ZNF804B: variants seen among roughly 807,000 people sequenced by gnomAD.
The protein encoded by ZNF804B is zinc finger 804B.
ZNF804B carries 80 observed loss-of-function variants against 101.4 expected under a neutral mutation model. That is an observed-to-expected ratio of 0.79 (90% CI 0.66 to 0.95). The LOEUF is 0.95. ZNF804B is among the 40% of genes least tolerant of loss of function. The pLI, the probability that ZNF804B is intolerant of heterozygous loss-of-function variation, is 0.00. For missense variants in ZNF804B, 1,673 were observed against 1,561.9 expected (o/e 1.07, Z -1.20); for synonymous variants, 622 against 558.8 (o/e 1.11, Z -1.59).
At position 89,333,460 on chromosome 7, in the gene ZNF804B, T is replaced by C. The variant is rs1463366900; in HGVS notation, c.478T>C (p.Ser160Pro). Residue 160 changes from serine to proline, a missense_variant, in exon 4 of 4, where the codon TCA becomes CCA. Ser to Pro is a moderately conservative substitution (Grantham distance 74). Transcript: ENST00000333190. The part of the protein sequence containing the change: ...IFPIKNGRKV[S>P]CMKSALLLKG... The stretch of plus-strand genomic sequence containing the variant: ...CCCCATTAAGAATGGCAGAAAGGTA[T>C]CATGCATGAAGAGTGCTCTTCTCCT... 1.2e-6 allele frequency: 2 copies of C among 1,613,158 alleles called. No individual in the cohort carries two copies. Among genetic ancestry groups the C allele is most frequent in the Admixed American group, 3.3e-5 (2 of 59,844 alleles).
At chr7:89,041,410 G>A (rs541416275) in intron 1 of ZNF804B, among the ~76,000 whole-genome samples, 1 of 152,290 alleles carries the variant, frequency 6.6e-6, no homozygotes, top group Admixed American at 6.5e-5. Context: ...TGCTGGGACA[G>A]GTCTTAAGCT....
intron 1 of ZNF804B, among the ~76,000 whole-genome samples, chr7:89,157,425 G>A (rs779613206): frequency 3.9e-4 from 59 of 151,968 alleles, no homozygotes; most frequent in Non-Finnish European, 6.8e-4. Context: ...ACATGTACTA[G>A]GACACATCTT....
At position 89,327,326 on chromosome 7, in the gene ZNF804B, T is replaced by A; in HGVS notation, c.250-18T>A. The A allele has an allele frequency of 6.4e-7, 1 of 1,573,548 alleles. No individual in the cohort carries two copies. Among genetic ancestry groups the A allele is most frequent in the South Asian group, 1.2e-5 (1 of 82,848 alleles). On this transcript the variant is annotated intron_variant, in intron 2 of 3. Transcript: ENST00000333190. ...TTATTTATTTATAGTACCTTTTTGGTTTTTCTTCTTTTTCAAGAGACTGAA... is the reference window on the plus strand; with the variant it reads ...TTATTTATTTATAGTACCTTTTTGGATTTTCTTCTTTTTCAAGAGACTGAA...
At chr7:88,953,427 T>A (rs1793254921) in intron 1 of ZNF804B, among the ~76,000 whole-genome samples, 1 of 151,810 alleles carries the variant, frequency 6.6e-6, no homozygotes, top group South Asian at 2.1e-4. Flanking sequence ...TGACCCCATT[T>A]AAAAAATAGA....
chr7:88,824,292 G>A (rs146707664), intron 1 of ZNF804B, among the ~76,000 whole-genome samples: 5 of 152,242 alleles, frequency 3.3e-5, no homozygotes, highest in South Asian at 2.1e-4. Flanking sequence ...CATGGGGGCG[G>A]TTAGCCTCAT....
At chr7:89,011,627 C>T (rs1178325845) in intron 1 of ZNF804B, among the ~76,000 whole-genome samples, 3 of 152,078 alleles carry the variant, frequency 2.0e-5, no homozygotes, top group Non-Finnish European at 2.9e-5. Flanking sequence ...CTCCACAACC[C>T]AATAGGGCAG....
intron 1 of ZNF804B, among the ~76,000 whole-genome samples, chr7:89,153,494 C>T (rs941797665): frequency 2.0e-5 from 3 of 151,064 alleles, no homozygotes; most frequent in African/African-American, 4.8e-5. Flanking sequence ...TCTGAATAGA[C>T]GTTTACTTTT....
chr7:88,869,464 GCTTA>G (rs1562817774), intron 1 of ZNF804B, among the ~76,000 whole-genome samples: 1 of 152,068 alleles, frequency 6.6e-6, no homozygotes, highest in African/African-American at 2.4e-5. Context: ...TCCCACCCCT[GCTTA>G]CTTTCTCTTC....
chr7:89,308,694 G>C (rs181771730), intron 2 of ZNF804B, among the ~76,000 whole-genome samples: 1 of 152,140 alleles, frequency 6.6e-6, no homozygotes, highest in Non-Finnish European at 1.5e-5. Context: ...CAAGAACAGG[G>C]TGTTTCTCTA....
intron 1 of ZNF804B, among the ~76,000 whole-genome samples, chr7:89,034,744 A>G (rs1024650183): frequency 6.6e-5 from 10 of 152,300 alleles, no homozygotes; most frequent in African/African-American, 2.4e-4. Context: ...GGAATGATTT[A>G]TAATCCTTTG....
intron 1 of ZNF804B, among the ~76,000 whole-genome samples, chr7:89,011,815 G>C (rs1455994874): frequency 1.3e-5 from 2 of 152,114 alleles, no homozygotes; most frequent in African/African-American, 4.8e-5. Flanking sequence ...GCTTTACTAG[G>C]TGCACAGTGC....
chr7:88,761,006 A>T (rs1016299377), intron 1 of ZNF804B, among the ~76,000 whole-genome samples: 1 of 150,328 alleles, frequency 6.7e-6, no homozygotes, highest in Non-Finnish European at 1.5e-5. Context: ...GAGGTTTCAT[A>T]TAAAAAACAG....
intron 1 of ZNF804B, among the ~76,000 whole-genome samples, chr7:88,833,339 T>G (rs181551619): frequency 2.5e-4 from 38 of 152,068 alleles, no homozygotes; most frequent in African/African-American, 8.7e-4. Flanking sequence ...TACTTAACTT[T>G]TCTGATTCTA....
At chr7:89,097,316 T>C (rs573072886) in intron 1 of ZNF804B, among the ~76,000 whole-genome samples, 2 of 152,320 alleles carry the variant, frequency 1.3e-5, no homozygotes, top group African/African-American at 4.8e-5. Context: ...TTCTGCAGTG[T>C]GGATGTTTGT....
At chr7:88,901,876 C>T (rs1476590688) in intron 1 of ZNF804B, among the ~76,000 whole-genome samples, 3 of 151,780 alleles carry the variant, frequency 2.0e-5, no homozygotes, top group African/African-American at 7.2e-5. Flanking sequence ...GTCCATGTAT[C>T]CCAATTAATG....
intron 1 of ZNF804B, among the ~76,000 whole-genome samples, chr7:88,960,405 T>C (rs1311116945): frequency 6.6e-6 from 1 of 151,152 alleles, no homozygotes; most frequent in Admixed American, 6.6e-5. Flanking sequence ...AAGGAAAATG[T>C]GTATGTGCGG....
chr7:88,901,509 A>G (rs1375652591), intron 1 of ZNF804B, among the ~76,000 whole-genome samples: 5 of 151,814 alleles, frequency 3.3e-5, no homozygotes, highest in Non-Finnish European at 5.9e-5. Flanking sequence ...TTTGCATTCC[A>G]TTATCCTTGT....
intron 1 of ZNF804B, among the ~76,000 whole-genome samples, chr7:88,810,786 T>C (rs773781907): frequency 2.0e-5 from 3 of 152,182 alleles, no homozygotes; most frequent in Non-Finnish European, 4.4e-5. Flanking sequence ...CTTCCAATCT[T>C]CAGCATTTTA....
chr7:89,332,820 T>C (rs1272227922), intron 3 of ZNF804B, among the ~76,000 whole-genome samples: 1 of 151,858 alleles, frequency 6.6e-6, no homozygotes, highest in Non-Finnish European at 1.5e-5. Context: ...TTATAATTAG[T>C]CAAATTACTG....
Sources: allele counts gnomAD v4.1 joint callset (sites outside exome capture counted in the v4.1 genomes callset), GRCh38; gene constraint gnomAD v4.1.1; transcripts MANE v1.5; gene names NCBI Gene and HGNC (gene_info 2026-07-23, HGNC 2026-07-21).